TMC1: variants seen among roughly 807,000 people sequenced by gnomAD.
The protein encoded by TMC1 is transmembrane channel-like protein 1.
A neutral mutation model predicts 105.8 loss-of-function variants in TMC1; 84 were observed. The ratio of observed to expected loss-of-function variants is 0.79; its 90% CI spans 0.67 to 0.95. The LOEUF (loss-of-function observed/expected upper bound fraction) is 0.95. Ranked by LOEUF, TMC1 falls within the 40% of genes least tolerant of loss-of-function variation. TMC1 has a pLI of 0.00. For synonymous variants in TMC1, 315 were observed against 311.5 expected, an observed-to-expected ratio of 1.01 and a Z score of -0.12; for missense variants, 817 against 914.1, an observed-to-expected ratio of 0.89 and a Z score of 1.37.
chr9:72,753,035 A>T (rs1247629584), intron 11 of TMC1, among the ~76,000 whole-genome samples: 1 of 152,192 alleles, frequency 6.6e-6, no homozygotes, highest in Non-Finnish European at 1.5e-5. Context: ...CTTAGCTAAC[A>T]TCTTGGAATA....
chr9:72,723,834 C>A (rs1463337953), intron 8 of TMC1, among the ~76,000 whole-genome samples: 1 of 152,084 alleles, frequency 6.6e-6, no homozygotes, highest in Non-Finnish European at 1.5e-5. Context: ...ATGCATGTAC[C>A]ATTTTACCAT....
At chr9:72,759,833 A>T (rs1184153552) in intron 12 of TMC1, among the ~76,000 whole-genome samples, 1 of 152,186 alleles carries the variant, frequency 6.6e-6, no homozygotes, top group Non-Finnish European at 1.5e-5. Context: ...AGAGGCTCCT[A>T]ATCTAGTGTT....
At chr9:72,745,505 A>G (rs563252995) in intron 10 of TMC1, among the ~76,000 whole-genome samples, 1 of 152,180 alleles carries the variant, frequency 6.6e-6, no homozygotes, top group South Asian at 2.1e-4. Flanking sequence ...TCATTTTCTC[A>G]TGTATTTACT....
intron 23 of TMC1, among the ~76,000 whole-genome samples, chr9:72,835,477 T>C (rs1829107235): frequency 6.6e-6 from 1 of 152,208 alleles, no homozygotes; most frequent in Non-Finnish European, 1.5e-5. Flanking sequence ...GAATGGAAAA[T>C]TCTGACTTAT....
chr9:72,836,210 CA>C lies in TMC1; in HGVS notation c.*238del. 1.8e-6 allele frequency: 1 copy of C among 566,168 alleles called. No individual in the cohort carries two copies. The highest frequency in any genetic ancestry group is 3.1e-6 in the Non-Finnish European group (1 of 317,922). 35.1% of individuals were successfully genotyped at this position (566,168 alleles called of 1,614,324 possible). A position where few individuals can be genotyped will look rare whatever the true frequency, so the allele number is the denominator to read the frequency against. On this transcript the variant is annotated 3_prime_UTR_variant, in exon 24 of 24. Coordinates refer to ENST00000297784, the MANE Select transcript of TMC1 (RefSeq NM_138691.3). Reference sequence around the variant, plus strand: ...TGCAGAGCCACTCTCTCCCCTGCTCCATTTCGTGACTTTTTTTTTTTTTTTA... The same window carrying C: ...TGCAGAGCCACTCTCTCCCCTGCTCCTTTCGTGACTTTTTTTTTTTTTTTA...
At position 72,647,035 on chromosome 9, in the gene TMC1, G is replaced by A. The variant is rs181201998; in HGVS notation, c.-52-1562G>A. On this transcript the variant is annotated intron_variant, in intron 4 of 23. Coordinates refer to ENST00000297784, the MANE Select transcript of TMC1 (RefSeq NM_138691.3). The stretch of plus-strand genomic sequence containing the variant: ...CGGGTGCCTGTAATCCCAGCTACTC[G>A]GGAGGCTGAGGCAGGAAAATTGCTT... Among the ~76,000 whole-genome samples, 163 of 151,410 alleles carry A rather than the reference G, an allele frequency of 1.1e-3. 2 individuals are homozygous for A. In the East Asian group the frequency reaches 0.015, roughly 14 times the overall value.
intron 5 of TMC1, among the ~76,000 whole-genome samples, chr9:72,684,391 A>T (rs1826341451): frequency 6.6e-6 from 1 of 152,136 alleles, no homozygotes; most frequent in Non-Finnish European, 1.5e-5. Context: ...GCAACTTATG[A>T]TACGTCTCTG....
chr9:72,746,147 T>C (rs1239295401), intron 10 of TMC1, among the ~76,000 whole-genome samples: 1 of 152,202 alleles, frequency 6.6e-6, no homozygotes, highest in Non-Finnish European at 1.5e-5. Context: ...AAAACGGATA[T>C]AAATGCTTTT....
chr9:72,638,710 C>T (rs1041058898), intron 4 of TMC1, among the ~76,000 whole-genome samples: 42 of 152,294 alleles, frequency 2.8e-4, no homozygotes, highest in African/African-American at 1.0e-3. Flanking sequence ...TGATAGAAAG[C>T]TGCCCTCAGT....
intron 1 of TMC1, among the ~76,000 whole-genome samples, chr9:72,532,102 T>G (rs1337428710): frequency 1.3e-5 from 2 of 152,040 alleles, no homozygotes; most frequent in African/African-American, 4.8e-5. Context: ...CGGCTAATTT[T>G]GTATTTTTAG....
intron 4 of TMC1, among the ~76,000 whole-genome samples, chr9:72,633,423 G>C (rs1200914523): frequency 3.3e-5 from 5 of 152,096 alleles, no homozygotes; most frequent in Non-Finnish European, 5.9e-5. Flanking sequence ...CATGCTTTGT[G>C]GTAACCAGGT....
chr9:72,708,913 T>C (rs1369239551), intron 8 of TMC1, among the ~76,000 whole-genome samples: 1 of 152,108 alleles, frequency 6.6e-6, no homozygotes, highest in East Asian at 1.9e-4. Flanking sequence ...TTTTATTACA[T>C]TGAGGTACGT....
intron 3 of TMC1, among the ~76,000 whole-genome samples, chr9:72,623,643 C>T (rs1031408666): frequency 6.6e-6 from 1 of 152,082 alleles, no homozygotes; most frequent in African/African-American, 2.4e-5. Context: ...TTCCTCGACC[C>T]ATGCATTTTA....
intron 2 of TMC1, among the ~76,000 whole-genome samples, chr9:72,595,910 TC>T (rs1207212934): frequency 6.6e-6 from 1 of 150,730 alleles, no homozygotes; most frequent in Non-Finnish European, 1.5e-5. Flanking sequence ...AGAATCTTGC[TC>T]TGTCGCCCAG....
At chr9:72,766,710 T>G (rs1827844356) in intron 12 of TMC1, among the ~76,000 whole-genome samples, 1 of 152,202 alleles carries the variant, frequency 6.6e-6, no homozygotes, top group African/African-American at 2.4e-5. Context: ...TCTACAGTCC[T>G]TAACACAACT....
chr9:72,764,165 C>A (rs1588071854), intron 12 of TMC1, among the ~76,000 whole-genome samples: 1 of 152,114 alleles, frequency 6.6e-6, no homozygotes, highest in East Asian at 1.9e-4. Flanking sequence ...TTCCAAGTAG[C>A]TGCAATATAT....
Position 72,827,191 on chromosome 9 carries a change from A to G in TMC1, c.2129+197A>G, listed in dbSNP as rs12005837. Reference sequence around the variant, plus strand: ...ATCCTATTGGATGTAATTCACAGGCATCTGCATCTGTCTTTGCTTCCCCAG... The same window carrying G: ...ATCCTATTGGATGTAATTCACAGGCGTCTGCATCTGTCTTTGCTTCCCCAG... On this transcript the variant is annotated intron_variant, in intron 21 of 23. Coordinates refer to ENST00000297784, the MANE Select transcript of TMC1 (RefSeq NM_138691.3). 5.7e-3 allele frequency among the ~76,000 whole-genome samples: 868 copies of G among 152,346 alleles called. 6 individuals carry two copies. The highest frequency in any genetic ancestry group is 0.02 in the African/African-American group (830 of 41,574).
chr9:72,726,249 A>G (rs1217889108), intron 8 of TMC1, among the ~76,000 whole-genome samples: 1 of 152,200 alleles, frequency 6.6e-6, no homozygotes, highest in Non-Finnish European at 1.5e-5. Flanking sequence ...TGCTTTTGTA[A>G]TATATATGCA....
chr9:72,808,351 T>C (rs1564569422), intron 18 of TMC1, among the ~76,000 whole-genome samples: 1 of 152,230 alleles, frequency 6.6e-6, no homozygotes, highest in Non-Finnish European at 1.5e-5. Flanking sequence ...GAATGGCTGG[T>C]TTCTTCTTGT....
Sources: gnomAD v4.1 joint callset for allele counts (sites outside exome capture counted in the v4.1 genomes callset) on GRCh38, gnomAD v4.1.1 for gene constraint, MANE v1.5 for transcripts, NCBI Gene and HGNC (gene_info 2026-07-23, HGNC 2026-07-21) for gene names.